EEFSEC: variants seen among roughly 807,000 people sequenced by gnomAD.
EEFSEC encodes selenocysteine-specific elongation factor.
In EEFSEC, 43 loss-of-function variants were observed where a neutral mutation model predicts 42.1. The observed-to-expected ratio is 1.02, with a 90% confidence interval of 0.80 to 1.32. The LOEUF (loss-of-function observed/expected upper bound fraction) is 1.32. EEFSEC is among the 40% of genes most tolerant of loss of function. EEFSEC has a pLI of 0.00. For synonymous variants in EEFSEC, 354 were observed against 339.1 expected, an observed-to-expected ratio of 1.04 and a Z score of -0.48; for missense variants, 745 against 803.6, an observed-to-expected ratio of 0.93 and a Z score of 0.88.
Position 128,260,213 on chromosome 3 carries a change from C to T in EEFSEC, c.525-1915C>T, listed in dbSNP as rs117366888. Among the ~76,000 whole-genome samples the T allele has an allele frequency of 2.6e-5, 4 of 152,134 alleles. No homozygotes were observed. In the East Asian group the frequency reaches 5.8e-4, roughly 22 times the overall value. On this transcript the variant is annotated intron_variant, in intron 2 of 6. Transcript: ENST00000254730. ...GCCTCCACGATTTCTCCTGAGAAAC[C>T]AGCTGCAAATCTTATTATGGATTCC...
intron 2 of EEFSEC, among the ~76,000 whole-genome samples, chr3:128,260,197 A>G (rs2107924936): frequency 6.6e-6 from 1 of 152,098 alleles, no homozygotes; most frequent in Non-Finnish European, 1.5e-5. Flanking sequence ...GGCCTCCACG[A>G]TTTCTCCTGA....
chr3:128,373,957 G>A lies in EEFSEC; in HGVS notation c.1600+15584G>A, dbSNP rs1190638177. On this transcript the variant is annotated intron_variant, in intron 6 of 6. Transcript: ENST00000254730. ...TCCAGCACTTTCCACATGTCACTTG[G>A]CCAGGCTGGGAAGGGCTCATGGTCG... 3.9e-5 allele frequency among the ~76,000 whole-genome samples: 6 copies of A among 152,288 alleles called. No individual in the cohort carries two copies. The East Asian group carries it at 1.2e-3, about 29-fold the overall frequency.
chr3:128,352,612 A>T (rs1281931878), intron 5 of EEFSEC, among the ~76,000 whole-genome samples: 2 of 152,240 alleles, frequency 1.3e-5, no homozygotes, highest in Non-Finnish European at 2.9e-5. Flanking sequence ...TCAGATCTGC[A>T]GGTGGCGGCC....
At chr3:128,253,999 C>T (rs2066216007) in intron 2 of EEFSEC, among the ~76,000 whole-genome samples, 1 of 152,164 alleles carries the variant, frequency 6.6e-6, no homozygotes, top group African/African-American at 2.4e-5. Flanking sequence ...CAAGGGTTTG[C>T]TCCCAACCAG....
In EEFSEC at chr3:128,272,316, T is replaced by C. The variant is rs543519688; in HGVS notation, c.786+7535T>C. ...CGGCTTGTTACCTGACTCTGGCCAA[T>C]GATATGTGAAGGGACATGTCCTAGG... is the stretch of plus-strand genomic sequence containing the variant. On this transcript the variant is annotated intron_variant, in intron 4 of 6. Transcript: ENST00000254730. Among the ~76,000 whole-genome samples the C allele has an allele frequency of 3.3e-5, 5 of 152,340 alleles. No individual in the cohort carries two copies. In the South Asian group the frequency reaches 1.0e-3, roughly 32 times the overall value.
chr3:128,159,767 T>C (rs1269169905), intron 1 of EEFSEC, among the ~76,000 whole-genome samples: 2 of 152,250 alleles, frequency 1.3e-5, no homozygotes, highest in African/African-American at 4.8e-5. Flanking sequence ...CTTAAGTCTC[T>C]GCTTTAATGG....
At chr3:128,250,555 G>A (rs1015835980) in intron 2 of EEFSEC, among the ~76,000 whole-genome samples, 6 of 152,130 alleles carry the variant, frequency 3.9e-5, no homozygotes, top group Non-Finnish European at 5.9e-5. Flanking sequence ...CCATATATGT[G>A]TGGGTTTATT....
chr3:128,326,182 G>A (rs1286078019), intron 4 of EEFSEC, among the ~76,000 whole-genome samples: 1 of 152,196 alleles, frequency 6.6e-6, no homozygotes, highest in Non-Finnish European at 1.5e-5. Flanking sequence ...TCAGAGTTAG[G>A]GCTGGTGCGC....
intron 1 of EEFSEC, among the ~76,000 whole-genome samples, chr3:128,209,120 A>G (rs2065729791): frequency 2.0e-5 from 3 of 152,246 alleles, no homozygotes; most frequent in Non-Finnish European, 4.4e-5. Flanking sequence ...TGGCATGTTA[A>G]TGTGGGGAAA....
chr3:128,172,831 C>T (rs2065312508), intron 1 of EEFSEC, among the ~76,000 whole-genome samples: 1 of 152,226 alleles, frequency 6.6e-6, no homozygotes, highest in Admixed American at 6.5e-5. Flanking sequence ...AGGTGCCATG[C>T]TGCCGCCTCG....
At chr3:128,169,211 C>T (rs1388097455) in intron 1 of EEFSEC, among the ~76,000 whole-genome samples, 4 of 152,214 alleles carry the variant, frequency 2.6e-5, no homozygotes, top group Non-Finnish European at 5.9e-5. Context: ...AGCAATAAAG[C>T]TGAAGCTAAA....
At chr3:128,320,865 C>G (rs11916395) in intron 4 of EEFSEC, among the ~76,000 whole-genome samples, 11 of 152,352 alleles carry the variant, frequency 7.2e-5, no homozygotes, top group African/African-American at 2.4e-4. Context: ...TGCCCCACTC[C>G]GTCACTGCTG....
At chr3:128,165,414 T>C (rs999226060) in intron 1 of EEFSEC, among the ~76,000 whole-genome samples, 2 of 152,248 alleles carry the variant, frequency 1.3e-5, no homozygotes, top group Non-Finnish European at 2.9e-5. Context: ...TTTGAGTTTT[T>C]GTCTTTTGTT....
intron 4 of EEFSEC, among the ~76,000 whole-genome samples, chr3:128,282,182 C>T (rs1306151137): frequency 6.6e-6 from 1 of 152,226 alleles, no homozygotes; most frequent in African/African-American, 2.4e-5. Context: ...CACCTCCTGA[C>T]CCCGACTTGG....
chr3:128,373,982 G>A (rs140228408), intron 6 of EEFSEC, among the ~76,000 whole-genome samples: 100 of 152,302 alleles, frequency 6.6e-4, no homozygotes, highest in Non-Finnish European at 1.3e-3. Flanking sequence ...GCTCATGGTC[G>A]GGAGTGAGAG....
intron 6 of EEFSEC, among the ~76,000 whole-genome samples, chr3:128,389,433 G>A (rs2067881553): frequency 6.6e-6 from 1 of 152,232 alleles, no homozygotes; most frequent in Admixed American, 6.5e-5. Flanking sequence ...GCCATATGAG[G>A]ACTCCACCCA....
chr3:128,393,142 C>T (rs1278703819), intron 6 of EEFSEC, among the ~76,000 whole-genome samples: 2 of 152,200 alleles, frequency 1.3e-5, no homozygotes, highest in African/African-American at 4.8e-5. Context: ...TTTCCAGAGC[C>T]CTCTGTGGGG....
At chr3:128,224,420 T>G (rs1400122106) in intron 1 of EEFSEC, among the ~76,000 whole-genome samples, 1 of 152,252 alleles carries the variant, frequency 6.6e-6, no homozygotes, top group Non-Finnish European at 1.5e-5. Flanking sequence ...GGTCTTTTCA[T>G]GCATGCATCC....
At chr3:128,370,310 A>G (rs1345835993) in intron 6 of EEFSEC, among the ~76,000 whole-genome samples, 1 of 152,180 alleles carries the variant, frequency 6.6e-6, no homozygotes, top group East Asian at 1.9e-4. Flanking sequence ...AGGAGGTTCA[A>G]TGAGGTGATG....
Sources: allele counts gnomAD v4.1 joint callset (sites outside exome capture counted in the v4.1 genomes callset), GRCh38; gene constraint gnomAD v4.1.1; transcripts MANE v1.5; gene names NCBI Gene and HGNC (gene_info 2026-07-23, HGNC 2026-07-21).